The following IGFL2 variants were observed in gnomAD, a reference collection of about 807,000 sequenced individuals.
IGFL2 encodes the protein IGF like family member 2.
IGFL2 carries 7 observed loss-of-function variants against 13.9 expected under a neutral mutation model. The ratio of observed to expected loss-of-function variants is 0.51; its 90% CI spans 0.29 to 0.95. The LOEUF is 0.95. Ranked by LOEUF, IGFL2 falls within the 40% of genes least tolerant of loss-of-function variation. The pLI is 0.08. For missense variants in IGFL2, 138 were observed against 147.8 expected, an observed-to-expected ratio of 0.93 and a Z score of 0.34; for synonymous variants, 55 against 55.8, an observed-to-expected ratio of 0.99 and a Z score of 0.07.
upstream of IGFL2, among the ~76,000 whole-genome samples, chr19:46,140,654 A>G (rs1309428011): frequency 6.6e-6 from 1 of 152,228 alleles, no homozygotes; most frequent in Non-Finnish European, 1.5e-5. Flanking sequence ...AGAGCAAACT[A>G]CTACCCTACG....
chr19:46,166,233 A>G (rs2146909354), downstream of IGFL2, among the ~76,000 whole-genome samples: 1 of 152,286 alleles, frequency 6.6e-6, no homozygotes, highest in South Asian at 2.1e-4. Context: ...CTGGCTTGAG[A>G]AATAAAGGGA....
the IGFL2 span, among the ~76,000 whole-genome samples, chr19:46,215,094 G>A: frequency 2.0e-5 from 3 of 152,102 alleles, no homozygotes; most frequent in Non-Finnish European, 2.9e-5. Flanking sequence ...AATAGCCACC[G>A]TCAGAACAGA....
At chr19:46,090,182 T>G in the IGFL2 span, among the ~76,000 whole-genome samples, 3 of 152,232 alleles carry the variant, frequency 2.0e-5, no homozygotes, top group African/African-American at 7.2e-5. Flanking sequence ...TTTTCAGCTC[T>G]GGGATTTCTG....
the IGFL2 span, among the ~76,000 whole-genome samples, chr19:46,176,196 A>G: frequency 6.6e-6 from 1 of 150,470 alleles, no homozygotes. Flanking sequence ...AAAAAAAAAA[A>G]AGAAAAGAAA....
At chr19:46,169,845 C>G in the IGFL2 span, among the ~76,000 whole-genome samples, 1 of 25,210 alleles carries the variant, frequency 4.0e-5, no homozygotes, top group Non-Finnish European at 9.3e-5. Flanking sequence ...GAGACTCTGT[C>G]TCAAAAAAAA....
the IGFL2 span, among the ~76,000 whole-genome samples, chr19:46,131,823 C>A: frequency 6.6e-6 from 1 of 152,128 alleles, no homozygotes; most frequent in Non-Finnish European, 1.5e-5. Context: ...CTTGTAGTCT[C>A]AGCTACTCGG....
Position 46,161,246 on chromosome 19 carries a change from A to G in IGFL2, c.*158A>G. The G allele has an allele frequency of 1.7e-6, 1 of 602,024 alleles. No homozygotes were observed. The allele number at this position is 602,024 out of a possible 1,614,324, so 37.3% of individuals were successfully genotyped here. On this transcript the variant is annotated 3_prime_UTR_variant, in exon 4 of 4. Transcript: ENST00000377693. ...GGAGACTGATGGGACATGGAGAATG[A>G]CAGTAGATTATCAGGAAATAAATAA...
chr19:46,197,324 G>C, the IGFL2 span: 1 of 176,630 alleles, frequency 5.7e-6, no homozygotes, highest in South Asian at 1.5e-4. Flanking sequence ...TGGGTCCTGG[G>C]GGGCTGCATG....
the IGFL2 span, among the ~76,000 whole-genome samples, chr19:46,200,348 A>G: frequency 6.6e-6 from 1 of 150,760 alleles, no homozygotes; most frequent in Non-Finnish European, 1.5e-5. Context: ...TAATTTCTGT[A>G]TTTTTTGTAG....
At chr19:46,135,637 G>A in the IGFL2 span, among the ~76,000 whole-genome samples, 1 of 152,216 alleles carries the variant, frequency 6.6e-6, no homozygotes, top group Non-Finnish European at 1.5e-5. Context: ...TGGAGGAATA[G>A]CAAGTTGACC....
Position 46,161,096 on chromosome 19 carries a change from T to A in IGFL2, c.*8T>A, listed in dbSNP as rs767709557. On this transcript the variant is annotated 3_prime_UTR_variant, in exon 4 of 4. Transcript: ENST00000377693. ...AGAAGACGTTTTCCCTGAGAAGACA[T>A]AGAAAGAAAATCAACTTTCACTAAG... 2 of 1,587,100 alleles carry A rather than the reference T, an allele frequency of 1.3e-6. No homozygotes were observed. Among genetic ancestry groups the A allele is most frequent in the Non-Finnish European group, 1.7e-6 (2 of 1,164,200 alleles).
At chr19:46,140,709 A>G (rs1381453938), upstream of IGFL2, among the ~76,000 whole-genome samples, 2 of 152,240 alleles carry the variant, frequency 1.3e-5, no homozygotes, top group Non-Finnish European at 1.5e-5. Context: ...AACTACTGCA[A>G]CAGAAACCCA....
the IGFL2 span, among the ~76,000 whole-genome samples, chr19:46,179,139 G>A: frequency 1.3e-5 from 2 of 151,300 alleles, no homozygotes; most frequent in Non-Finnish European, 3.0e-5. Context: ...AGGCAGGGAT[G>A]CAGGGGTCTG....
the IGFL2 span, among the ~76,000 whole-genome samples, chr19:46,166,824 G>A: frequency 2.0e-5 from 3 of 152,184 alleles, no homozygotes; most frequent in Non-Finnish European, 2.9e-5. Flanking sequence ...CTGGCTCACC[G>A]GCGGTCAGAG....
At chr19:46,191,498 C>T in the IGFL2 span, among the ~76,000 whole-genome samples, 1 of 152,132 alleles carries the variant, frequency 6.6e-6, no homozygotes. Context: ...TAAACGTTGC[C>T]AGAGTGGATA....
At chr19:46,171,816 A>C in the IGFL2 span, among the ~76,000 whole-genome samples, 126 of 152,348 alleles carry the variant, frequency 8.3e-4, 2 homozygotes, top group Middle Eastern at 0.017. Flanking sequence ...AAGGAACCAA[A>C]AGGACATTCA....
the IGFL2 span, among the ~76,000 whole-genome samples, chr19:46,078,824 G>A: frequency 1.3e-5 from 2 of 151,620 alleles, no homozygotes; most frequent in Non-Finnish European, 1.5e-5. Context: ...GTCGTCAGTA[G>A]ACATCGCGCA....
the IGFL2 span, chr19:46,203,185 G>A: frequency 6.6e-6 from 1 of 152,246 alleles, no homozygotes; most frequent in Non-Finnish European, 1.5e-5. Flanking sequence ...GGGATCACAA[G>A]GTGCAGGGTG....
At chr19:46,135,953 G>T in the IGFL2 span, among the ~76,000 whole-genome samples, 1 of 152,296 alleles carries the variant, frequency 6.6e-6, no homozygotes, top group East Asian at 1.9e-4. Context: ...TCTGTTGAAA[G>T]GTCCACTGTT....
Sources: gnomAD v4.1 joint callset for allele counts (sites outside exome capture counted in the v4.1 genomes callset) on GRCh38, gnomAD v4.1.1 for gene constraint, MANE v1.5 for transcripts, NCBI Gene and HGNC (gene_info 2026-07-23, HGNC 2026-07-21) for gene names.